Variants in LGR5 observed in about 807,000 individuals in gnomAD.
LGR5 encodes the protein leucine-rich repeat-containing G protein-coupled receptor 5.
Under a neutral mutation model 76.7 loss-of-function variants are expected in LGR5, and 54 were observed. The observed-to-expected ratio is 0.70, with a 90% CI of 0.57 to 0.88. The LOEUF (loss-of-function observed/expected upper bound fraction) is 0.88, where lower values mean the gene tolerates loss of function less well. LGR5 is among the 40% of genes least tolerant of loss of function. The pLI is 0.00. For missense variants in LGR5, 1,078 were observed against 1,073.3 expected (o/e 1.00, Z -0.06); for synonymous variants, 406 against 421.9 (o/e 0.96, Z 0.46).
rs1565786442 is a variant in LGR5, at chr12:71,585,575, T to G, written c.*841T>G. On this transcript the variant is annotated 3_prime_UTR_variant, in exon 18 of 18. Coordinates refer to ENST00000266674, the MANE Select transcript of LGR5 (RefSeq NM_003667.4). ...GAAAAGAAAGTAAGCAATCTGGGAT[T>G]TTTTTTCTGGGTTAGTAAAGAATTT... The G allele has an allele frequency of 6.6e-6, 1 of 152,212 alleles. No homozygotes were observed. Among genetic ancestry groups the G allele is most frequent in the Non-Finnish European group, 1.5e-5 (1 of 68,036 alleles). The allele number at this position is 152,212 out of a possible 1,614,324, so 9.4% of individuals were successfully genotyped here.
chr12:71,493,712 T>C (rs56243012), intron 1 of LGR5, among the ~76,000 whole-genome samples: 3,551 of 150,878 alleles, frequency 0.024, 329 homozygotes, highest in African/African-American at 0.084. Context: ...TTCCTTACTG[T>C]TGCCCTCAAT....
chr12:71,546,898 A>G (rs547506171), intron 4 of LGR5, among the ~76,000 whole-genome samples: 2 of 152,270 alleles, frequency 1.3e-5, no homozygotes, highest in East Asian at 1.9e-4. Context: ...TGGATACTCA[A>G]AGTTATTGAG....
intron 1 of LGR5, among the ~76,000 whole-genome samples, chr12:71,445,288 T>C (rs530890020): frequency 1.3e-5 from 2 of 152,308 alleles, no homozygotes; most frequent in South Asian, 4.1e-4. Flanking sequence ...AGTAGAGAGA[T>C]GAATCAGACT....
In LGR5 at chr12:71,584,670, C is replaced by T. The variant is rs1879247821; in HGVS notation, c.2660C>T (p.Ser887Leu). ...GACCTGCCTCCCAGTTCCGTGCCAT[C>T]ACCAGCTTATCCAGTGACTGAGAGC... ...TYDLPPSSVP[S>L]PAYPVTESCH... The change falls in exon 18 of 18, where the codon TCA becomes TTA. Residue 887 changes from serine to leucine, a missense_variant. Coordinates refer to ENST00000266674, the MANE Select transcript of LGR5 (RefSeq NM_003667.4). 1.2e-6 allele frequency: 2 copies of T among 1,614,184 alleles called. No homozygotes were observed. The highest frequency in any genetic ancestry group is 1.7e-6 in the Non-Finnish European group (2 of 1,179,988).
chr12:71,561,724 T>A, intron 7 of LGR5, 57 bp from the exon 8 acceptor site: 1 of 976,358 alleles, frequency 1.0e-6, no homozygotes, highest in Non-Finnish European at 1.6e-6. Flanking sequence ...GGTGGGGGCC[T>A]CTATTAAATA....
chr12:71,526,858 A>G (rs1318434617), intron 3 of LGR5, among the ~76,000 whole-genome samples: 2 of 152,142 alleles, frequency 1.3e-5, no homozygotes, highest in Admixed American at 6.6e-5. Flanking sequence ...TAGCCACCCA[A>G]ATAAGATGGC....
At chr12:71,570,813 A>G (rs1445420743) in intron 11 of LGR5, among the ~76,000 whole-genome samples, 1 of 152,224 alleles carries the variant, frequency 6.6e-6, no homozygotes, top group Non-Finnish European at 1.5e-5. Context: ...GGTTTTAAGA[A>G]TTAGAATCAG....
rs1555172221 is a variant in LGR5 at position 71,530,996 on chromosome 12, G to GGA, written c.357-4119_357-4118insGA. 5.8e-5 allele frequency among the ~76,000 whole-genome samples: 8 copies of GGA among 138,672 alleles called. No individual in the cohort carries two copies. The East Asian group carries it at 1.3e-3, about 22-fold the overall frequency. 91.0% of individuals were successfully genotyped at this position (138,672 alleles called of 152,430 possible). A position where few individuals can be genotyped will look rare whatever the true frequency, so the allele number is the denominator to read the frequency against. The stretch of plus-strand genomic sequence containing the variant: ...ACCTGTTCTTACTTAGTCCTGTTGG[G>GGA]AAAAAAAAAAAAAAAAAGTGGGGGA... On this transcript the variant is annotated intron_variant, in intron 3 of 17. Coordinates refer to ENST00000266674, the MANE Select transcript of LGR5 (RefSeq NM_003667.4).
chr12:71,504,924 G>A (rs1874784649), intron 2 of LGR5, among the ~76,000 whole-genome samples: 1 of 152,154 alleles, frequency 6.6e-6, no homozygotes, highest in Admixed American at 6.5e-5. Context: ...GTGAGACTGA[G>A]CCAAACAAAT....
intron 2 of LGR5, among the ~76,000 whole-genome samples, chr12:71,510,678 T>A (rs1875108905): frequency 6.6e-6 from 1 of 152,154 alleles, no homozygotes; most frequent in Non-Finnish European, 1.5e-5. Context: ...CACAACTGCA[T>A]ATGATATTTG....
rs1174924848 is a variant in LGR5 at position 71,553,070 on chromosome 12, C to T, written c.429-3C>T. The T allele has an allele frequency of 6.2e-7, 1 of 1,613,684 alleles. No individual in the cohort carries two copies. Among genetic ancestry groups the T allele is most frequent in the Non-Finnish European group, 8.5e-7 (1 of 1,179,752 alleles). On this transcript the variant is annotated splice_region_variant and splice_polypyrimidine_tract_variant and intron_variant, in intron 4 of 17. Coordinates refer to ENST00000266674, the MANE Select transcript of LGR5 (RefSeq NM_003667.4). ...TTCCATTCTTGCTTTCTTTCTTCCA[C>T]AGGCGTCTGGATGCTAACCACATCA...
chr12:71,499,303 A>G (rs540043442), intron 1 of LGR5, among the ~76,000 whole-genome samples: 28 of 152,218 alleles, frequency 1.8e-4, no homozygotes, highest in African/African-American at 6.7e-4. Context: ...TGGAAAGATA[A>G]GAGGTTGTGT....
At chr12:71,568,489 C>T (rs1046171098) in intron 11 of LGR5, among the ~76,000 whole-genome samples, 4 of 152,196 alleles carry the variant, frequency 2.6e-5, no homozygotes, top group Admixed American at 2.6e-4. Context: ...TCTCACTTCC[C>T]TGGAACCATT....
intron 1 of LGR5, among the ~76,000 whole-genome samples, chr12:71,492,541 T>G (rs1232502271): frequency 6.6e-6 from 1 of 152,216 alleles, no homozygotes; most frequent in African/African-American, 2.4e-5. Flanking sequence ...TGACTCCCCA[T>G]TGATCTTGAT....
chr12:71,526,437 G>GA lies in LGR5; in HGVS notation c.356+1971dup, dbSNP rs35358850. 1.3e-3 allele frequency among the ~76,000 whole-genome samples: 188 copies of GA among 144,756 alleles called. 1 individual carries two copies. The highest frequency in any genetic ancestry group is 0.012 in the South Asian group (57 of 4,580). 95.0% of individuals were successfully genotyped at this position (144,756 alleles called of 152,430 possible). ...CTATTAAAATGTACCCTTTCCATCA[G>GA]AAAAAAAAAAATGGTATTTAGACCC... On this transcript the variant is annotated intron_variant, in intron 3 of 17. Transcript: ENST00000266674.
chr12:71,569,908 C>T (rs549911800), intron 11 of LGR5, among the ~76,000 whole-genome samples: 2 of 152,178 alleles, frequency 1.3e-5, no homozygotes, highest in Non-Finnish European at 2.9e-5. Flanking sequence ...GGAATCAACC[C>T]AAATGCCCAC....
chr12:71,515,410 T>C (rs1875386149), intron 2 of LGR5, among the ~76,000 whole-genome samples: 1 of 152,244 alleles, frequency 6.6e-6, no homozygotes, highest in South Asian at 2.1e-4. Flanking sequence ...TGAGAATATT[T>C]TGATACTTTA....
At chr12:71,519,597 G>C (rs1487468429) in intron 2 of LGR5, among the ~76,000 whole-genome samples, 2 of 151,646 alleles carry the variant, frequency 1.3e-5, no homozygotes, top group Non-Finnish European at 2.9e-5. Flanking sequence ...TCAGGAATTT[G>C]AGACCAGCCT....
Position 71,502,003 on chromosome 12 carries a change from A to G in LGR5, c.213-2611A>G, listed in dbSNP as rs1323564896. Among the ~76,000 whole-genome samples the G allele has an allele frequency of 2.0e-5, 3 of 152,264 alleles. No homozygotes were observed. In the South Asian group the frequency reaches 6.2e-4, roughly 32 times the overall value. On this transcript the variant is annotated intron_variant, in intron 1 of 17. Coordinates refer to ENST00000266674, the MANE Select transcript of LGR5 (RefSeq NM_003667.4). Reference sequence around the variant, plus strand: ...ATTTGGTCTTAGATCATTGCTATTAAAAGTTATTTTCTGCTACAAGTTTAT... The same window carrying G: ...ATTTGGTCTTAGATCATTGCTATTAGAAGTTATTTTCTGCTACAAGTTTAT...
Sources: allele counts gnomAD v4.1 joint callset (sites outside exome capture counted in the v4.1 genomes callset), GRCh38; gene constraint gnomAD v4.1.1; transcripts MANE v1.5; gene names NCBI Gene and HGNC (gene_info 2026-07-23, HGNC 2026-07-21).